The following NRCAM variants were observed in gnomAD, a reference collection of about 807,000 sequenced individuals.
NRCAM encodes the protein neuronal cell adhesion molecule, also known as NgCAM-related cell adhesion molecule.
In NRCAM, 83 loss-of-function variants were observed where a neutral mutation model predicts 156.5. That is an observed-to-expected ratio of 0.53 (90% CI 0.44 to 0.64). The LOEUF is 0.64. NRCAM is among the 30% of genes least tolerant of loss of function. NRCAM has a pLI of 0.00. For synonymous variants in NRCAM, 538 were observed against 563.9 expected, an observed-to-expected ratio of 0.95 and a Z score of 0.65; for missense variants, 1,417 against 1,597.3, an observed-to-expected ratio of 0.89 and a Z score of 1.92.
intron 25 of NRCAM, among the ~76,000 whole-genome samples, chr7:108,179,937 A>T (rs420889): frequency 0.88 from 134,570 of 152,244 alleles, 59,535 homozygotes; most frequent in East Asian, 0.99. Context: ...TGATCCAAAT[A>T]AATGTCAAAG....
chr7:108,364,513 C>T (rs12538050), intron 2 of NRCAM, among the ~76,000 whole-genome samples: 30,125 of 151,848 alleles, frequency 0.2, 3,567 homozygotes, highest in East Asian at 0.45. Flanking sequence ...TGTATAGACC[C>T]GGGAGAACTG....
At position 108,240,016 on chromosome 7, in the gene NRCAM, C is replaced by G; in HGVS notation, c.49G>C (p.Val17Leu). The change falls in exon 4 of 33, where the codon GTG (valine) becomes CTG (leucine). Residue 17 changes from valine (V) to leucine (L), a missense_variant. Transcript: ENST00000379028. The stretch of plus-strand genomic sequence containing the variant: ...TGGCACAGGAAGAGAATCAGGGGCA[C>G]TCTGCCCGCAGATAAGCGCTTCTTT... ...PKKKRLSAGR[V>L]PLILFLCQMI... 1.2e-6 allele frequency: 2 copies of G among 1,613,450 alleles called. No homozygotes were observed. Among genetic ancestry groups the G allele is most frequent in the Non-Finnish European group, 1.7e-6 (2 of 1,179,494 alleles).
chr7:108,319,012 G>A (rs1387500351), intron 2 of NRCAM, among the ~76,000 whole-genome samples: 1 of 152,158 alleles, frequency 6.6e-6, no homozygotes, highest in African/African-American at 2.4e-5. Context: ...TGTTTAATGG[G>A]TATTGAGGTT....
At chr7:108,300,057 G>A (rs905444503) in intron 3 of NRCAM, among the ~76,000 whole-genome samples, 2 of 150,538 alleles carry the variant, frequency 1.3e-5, no homozygotes, top group African/African-American at 4.9e-5. Context: ...TACTACAGTA[G>A]AACATATGGT....
intron 3 of NRCAM, among the ~76,000 whole-genome samples, chr7:108,312,301 T>C (rs1039900112): frequency 5.3e-5 from 8 of 152,298 alleles, no homozygotes; most frequent in African/African-American, 1.9e-4. Flanking sequence ...AAGAAAATTA[T>C]TTTCTTGTAA....
chr7:108,205,348 G>C (rs1295296696), intron 13 of NRCAM, among the ~76,000 whole-genome samples: 6 of 152,186 alleles, frequency 3.9e-5, no homozygotes, highest in Non-Finnish European at 5.9e-5. Flanking sequence ...AAATTACCCA[G>C]TCTAAGGCAT....
chr7:108,320,665 T>C lies in NRCAM; in HGVS notation c.-173-7934A>G, dbSNP rs1302394464. 2.6e-5 allele frequency among the ~76,000 whole-genome samples: 4 copies of C among 152,296 alleles called. No individual in the cohort carries two copies. In the South Asian group the frequency reaches 6.2e-4, roughly 24 times the overall value. ...TATTTAGGCATGTTTCATTGACACA[T>C]AAAGTGACAAAGGAAACTTAACTAA... is the stretch of plus-strand genomic sequence containing the variant. On this transcript the variant is annotated intron_variant, in intron 2 of 32. Transcript: ENST00000379028.
chr7:108,348,751 T>C (rs1167972349), intron 2 of NRCAM, among the ~76,000 whole-genome samples: 9 of 151,540 alleles, frequency 5.9e-5, no homozygotes, highest in Admixed American at 3.9e-4. Flanking sequence ...TTATCTCCAC[T>C]AAAAATACAA....
chr7:108,247,343 G>A (rs188929987), intron 3 of NRCAM, among the ~76,000 whole-genome samples: 2 of 152,284 alleles, frequency 1.3e-5, no homozygotes. Flanking sequence ...TGATCCAAAT[G>A]TGCAGGTCTC....
At chr7:108,238,547 T>A (rs1244133459) in intron 4 of NRCAM, among the ~76,000 whole-genome samples, 1 of 152,220 alleles carries the variant, frequency 6.6e-6, no homozygotes, top group Admixed American at 6.5e-5. Context: ...TGGTTATGCC[T>A]CTTCTCCGTT....
At chr7:108,370,688 G>C (rs2099622725) in intron 2 of NRCAM, among the ~76,000 whole-genome samples, 2 of 152,002 alleles carry the variant, frequency 1.3e-5, no homozygotes, top group Admixed American at 1.3e-4. Context: ...AGTAAAAGTA[G>C]ACTGGGTAAA....
At chr7:108,318,599 G>A (rs189994325) in intron 2 of NRCAM, among the ~76,000 whole-genome samples, 11 of 152,262 alleles carry the variant, frequency 7.2e-5, no homozygotes, top group Non-Finnish European at 1.5e-4. Context: ...TCCAATCCTT[G>A]AGCAGCTCAG....
intron 1 of NRCAM, among the ~76,000 whole-genome samples, chr7:108,443,746 C>T (rs1309979287): frequency 6.6e-6 from 1 of 152,182 alleles, no homozygotes; most frequent in Non-Finnish European, 1.5e-5. Context: ...CTACCAACTT[C>T]AAACATTTGT....
At chr7:108,348,601 T>G (rs2099387123) in intron 2 of NRCAM, among the ~76,000 whole-genome samples, 1 of 152,076 alleles carries the variant, frequency 6.6e-6, no homozygotes, top group South Asian at 2.1e-4. Flanking sequence ...GCTTGATTTT[T>G]GAGGCAGAGT....
rs117943555 is a variant in NRCAM at position 108,187,949 on chromosome 7, C to T, written c.2035+1696G>A. Among the ~76,000 whole-genome samples, 564 of 150,268 alleles carry T rather than the reference C, an allele frequency of 3.8e-3. 3 individuals carry two copies. The highest frequency in any genetic ancestry group is 6.4e-3 in the Non-Finnish European group (436 of 67,738). On this transcript the variant is annotated intron_variant, in intron 20 of 32. Coordinates refer to ENST00000379028, the MANE Select transcript of NRCAM (RefSeq NM_001037132.4). ...CAGCCTGGGCAACAAAGCGAGACTC[C>T]GTCTCAAAAAAAAAAGAAGTGCAAG... is the stretch of plus-strand genomic sequence containing the variant.
intron 1 of NRCAM, among the ~76,000 whole-genome samples, chr7:108,454,753 A>G (rs368788632): frequency 7.9e-5 from 12 of 152,276 alleles, no homozygotes; most frequent in African/African-American, 1.9e-4. Context: ...TGCACAACCA[A>G]TGCTTCCTGC....
chr7:108,431,976 T>G (rs539810090), intron 1 of NRCAM, among the ~76,000 whole-genome samples: 10 of 152,312 alleles, frequency 6.6e-5, no homozygotes, highest in African/African-American at 2.2e-4. Flanking sequence ...TTGCCCAACC[T>G]GTCAAAGTTT....
chr7:108,363,893 A>G (rs1305393558), intron 2 of NRCAM, among the ~76,000 whole-genome samples: 1 of 152,228 alleles, frequency 6.6e-6, no homozygotes, highest in Non-Finnish European at 1.5e-5. Context: ...AGAAACTGTC[A>G]CAGCCAAGAG....
intron 2 of NRCAM, among the ~76,000 whole-genome samples, chr7:108,355,464 T>C (rs1207525811): frequency 6.6e-6 from 1 of 152,230 alleles, no homozygotes; most frequent in African/African-American, 2.4e-5. Context: ...GTATGATTTA[T>C]AAAGATATCA....
Sources: allele counts gnomAD v4.1 joint callset (sites outside exome capture counted in the v4.1 genomes callset), GRCh38; gene constraint gnomAD v4.1.1; transcripts MANE v1.5; gene names NCBI Gene and HGNC (gene_info 2026-07-23, HGNC 2026-07-21).